Variants in METTL15 observed in about 807,000 individuals in gnomAD.
METTL15 encodes the protein methyltransferase 15, mitochondrial 12S rRNA N4-cytidine, also known as 12S rRNA N(4)-cytidine methyltransferase METTL15.
METTL15 carries 34 observed loss-of-function variants against 38.3 expected under a neutral mutation model. The ratio of observed to expected loss-of-function variants is 0.89; its 90% CI spans 0.68 to 1.18. METTL15 has a LOEUF of 1.18. Ranked by LOEUF, METTL15 falls within the 50% of genes most tolerant of loss-of-function variation. The pLI is 0.00. For missense variants in METTL15, 438 were observed against 498.4 expected (o/e 0.88, Z 1.15); for synonymous variants, 162 against 170.9 (o/e 0.95, Z 0.41).
Position 28,235,286 on chromosome 11 carries a change from C to T in METTL15, c.407+24088C>T, listed in dbSNP as rs538461128. Among the ~76,000 whole-genome samples, 27 of 151,886 alleles carry T rather than the reference C, an allele frequency of 1.8e-4. No homozygotes were observed. The East Asian group carries it at 3.1e-3, about 17-fold the overall frequency. Reference sequence around the variant, plus strand: ...GTGGCTTAGGATTGACTTGGCGATGCGGGCTCTTTTTTGATTCCATATGCA... The same window carrying T: ...GTGGCTTAGGATTGACTTGGCGATGTGGGCTCTTTTTTGATTCCATATGCA... On this transcript the variant is annotated intron_variant, in intron 4 of 6. Coordinates refer to ENST00000407364, the MANE Select transcript of METTL15 (RefSeq NM_001113528.2).
At position 28,308,892 on chromosome 11, in the gene METTL15, G is replaced by GTAGGTAGGTAGATAGATAGA. The variant is rs72449461; in HGVS notation, c.778+11964_778+11965insGTAGGTAGATAGATAGATAG. Among the ~76,000 whole-genome samples the GTAGGTAGGTAGATAGATAGA allele has an allele frequency of 2.7e-5, 4 of 147,000 alleles. No homozygotes were observed. In the South Asian group the frequency reaches 6.7e-4, roughly 25 times the overall value. ...AAAGATTAGATAGATAGGTAGGTAG[G>GTAGGTAGGTAGATAGATAGA]TAGATAGATAGATAGATAGATAGAT... On this transcript the variant is annotated intron_variant, in intron 6 of 6. Transcript: ENST00000407364.
chr11:28,225,159 G>A (rs1246109285), intron 4 of METTL15, among the ~76,000 whole-genome samples: 3 of 151,364 alleles, frequency 2.0e-5, no homozygotes, highest in African/African-American at 7.3e-5. Context: ...TCTATCTTGG[G>A]ATTTAGATAT....
intron 3 of METTL15, among the ~76,000 whole-genome samples, chr11:28,149,188 AT>A (rs577799533): frequency 0.012 from 1,701 of 136,512 alleles, 6 homozygotes; most frequent in East Asian, 0.038. Context: ...TCATTTTCTG[AT>A]TTTTTTTTTT....
At chr11:28,499,149 AG>A (rs1851560144) in intron 6 of METTL15, among the ~76,000 whole-genome samples, 1 of 152,168 alleles carries the variant, frequency 6.6e-6, no homozygotes, top group Non-Finnish European at 1.5e-5. Context: ...GGTCTACCTC[AG>A]GGGTCTGCTG....
intron 4 of METTL15, among the ~76,000 whole-genome samples, chr11:28,265,735 T>A (rs988425256): frequency 6.6e-6 from 1 of 152,188 alleles, no homozygotes; most frequent in Admixed American, 6.5e-5. Context: ...TCTTTTCTCT[T>A]GAACTCCACA....
intron 6 of METTL15, among the ~76,000 whole-genome samples, chr11:28,497,274 A>T (rs1851542787): frequency 6.6e-6 from 1 of 152,216 alleles, no homozygotes; most frequent in Non-Finnish European, 1.5e-5. Flanking sequence ...CTTCATGCAC[A>T]AATATTCTTA....
chr11:28,185,128 CTTAAA>C (rs1851448288), intron 3 of METTL15, among the ~76,000 whole-genome samples: 1 of 151,366 alleles, frequency 6.6e-6, no homozygotes, highest in African/African-American at 2.4e-5. Context: ...ACAGTGGTCC[CTTAAA>C]TTATATATAA....
At chr11:28,393,961 A>T (rs1286825078) in intron 5 of METTL15, among the ~76,000 whole-genome samples, 6 of 129,120 alleles carry the variant, frequency 4.6e-5, no homozygotes, top group African/African-American at 1.7e-4. Context: ...CCTGATTTTT[A>T]AAAAATATGT....
intron 4 of METTL15, among the ~76,000 whole-genome samples, chr11:28,239,950 A>C (rs1413133442): frequency 6.6e-6 from 1 of 152,214 alleles, no homozygotes; most frequent in Non-Finnish European, 1.5e-5. Context: ...TATAACTACC[A>C]TGACAGTAGG....
chr11:28,409,206 C>A (rs2133411130), intron 5 of METTL15, among the ~76,000 whole-genome samples: 1 of 151,784 alleles, frequency 6.6e-6, no homozygotes, highest in African/African-American at 2.4e-5. Flanking sequence ...CATGGTGAAA[C>A]CCCGTCTCTA....
intron 4 of METTL15, among the ~76,000 whole-genome samples, chr11:28,273,301 A>G (rs1331019826): frequency 6.6e-6 from 1 of 152,144 alleles, no homozygotes; most frequent in Non-Finnish European, 1.5e-5. Context: ...AATACACATA[A>G]TTTATTCTTT....
rs559765508 is a variant in METTL15 at position 28,316,950 on chromosome 11, G to A, written c.779-13446G>A. Among the ~76,000 whole-genome samples, 14 of 152,164 alleles carry A rather than the reference G, an allele frequency of 9.2e-5. No individual in the cohort carries two copies. In the South Asian group the frequency reaches 2.7e-3, roughly 29 times the overall value. ...TTGCTTTTGTAAATTGTGCAGACTC[G>A]GGTACGTCTTTATCAGCAGCGTGAA... is the stretch of plus-strand genomic sequence containing the variant. On this transcript the variant is annotated intron_variant, in intron 6 of 6. Coordinates refer to ENST00000407364, the MANE Select transcript of METTL15 (RefSeq NM_001113528.2).
intron 6 of METTL15, among the ~76,000 whole-genome samples, chr11:28,466,953 T>TTTTG (rs1243275590): frequency 6.6e-6 from 1 of 152,180 alleles, no homozygotes; most frequent in Non-Finnish European, 1.5e-5. Flanking sequence ...GGGAGGTTTC[T>TTTTG]TTTGTTTGTT....
At chr11:28,328,161 A>G in intron 6 of METTL15, 1 of 1,610,888 alleles carries the variant, frequency 6.2e-7, no homozygotes, top group South Asian at 1.1e-5. Flanking sequence ...ATTGAATAGC[A>G]AATGGTAAGA....
At chr11:28,305,505 G>A (rs752062930) in intron 6 of METTL15, among the ~76,000 whole-genome samples, 5 of 152,138 alleles carry the variant, frequency 3.3e-5, no homozygotes, top group African/African-American at 4.8e-5. Context: ...AGTATAAAAA[G>A]ATTAGGTTAC....
At chr11:28,298,816 T>C (rs1405961405) in intron 6 of METTL15, among the ~76,000 whole-genome samples, 1 of 152,090 alleles carries the variant, frequency 6.6e-6, no homozygotes, top group Non-Finnish European at 1.5e-5. Context: ...ACTTTATTAA[T>C]GATAATATGA....
At chr11:28,196,672 A>G (rs1163089194) in intron 3 of METTL15, among the ~76,000 whole-genome samples, 3 of 151,744 alleles carry the variant, frequency 2.0e-5, no homozygotes, top group Non-Finnish European at 4.4e-5. Context: ...CTTAAGAAAG[A>G]CTTTTTTTTT....
At chr11:28,517,797 C>A (rs1198478170) in intron 6 of METTL15, among the ~76,000 whole-genome samples, 1 of 152,178 alleles carries the variant, frequency 6.6e-6, no homozygotes, top group Non-Finnish European at 1.5e-5. Flanking sequence ...TTTCAGAAAC[C>A]TCAGGGAGGA....
At chr11:28,353,741 A>T (rs965473606) in intron 4 of METTL15, among the ~76,000 whole-genome samples, 3 of 151,416 alleles carry the variant, frequency 2.0e-5, no homozygotes, top group Admixed American at 6.6e-5. Context: ...CTGGCTAACA[A>T]GGTGAAACCC....
Sources: allele counts gnomAD v4.1 joint callset (sites outside exome capture counted in the v4.1 genomes callset), GRCh38; gene constraint gnomAD v4.1.1; transcripts MANE v1.5; gene names NCBI Gene and HGNC (gene_info 2026-07-23, HGNC 2026-07-21).